The following NEDD4 variants were observed in gnomAD, a reference collection of about 807,000 sequenced individuals.
The protein encoded by NEDD4 is NEDD4 E3 ubiquitin protein ligase, also known as E3 ubiquitin-protein ligase NEDD4.
A neutral mutation model predicts 144.9 loss-of-function variants in NEDD4; 99 were observed. The ratio of observed to expected loss-of-function variants is 0.68; its 90% CI spans 0.58 to 0.81. The LOEUF (loss-of-function observed/expected upper bound fraction) is 0.81. NEDD4 is among the 30% of genes least tolerant of loss of function. NEDD4 has a pLI of 0.00. For synonymous variants in NEDD4, 318 were observed against 350.6 expected (o/e 0.91, Z 1.04); for missense variants, 985 against 1,065.9 (o/e 0.92, Z 1.06).
At chr15:55,851,562 C>T (rs1304290089) in intron 13 of NEDD4, among the ~76,000 whole-genome samples, 9 of 151,828 alleles carry the variant, frequency 5.9e-5, no homozygotes, top group South Asian at 2.1e-4. Flanking sequence ...CCGCAACCTC[C>T]GCCTCCCAGG....
At chr15:55,894,276 A>T (rs901741412) in intron 5 of NEDD4, among the ~76,000 whole-genome samples, 14 of 152,236 alleles carry the variant, frequency 9.2e-5, no homozygotes, top group African/African-American at 3.4e-4. Flanking sequence ...AAATTAAAAA[A>T]CAATGCAGCA....
Position 55,916,055 on chromosome 15 carries a change from T to C in NEDD4, c.291+8591A>G, listed in dbSNP as rs2036432007. On this transcript the variant is annotated intron_variant, in intron 5 of 28. Coordinates refer to ENST00000435532, the MANE Select transcript of NEDD4 (RefSeq NM_006154.4). ...TGACTAAGGAGGAGTAACGTTTTAG[T>C]GGAATTTTTGTGTTCCTGCTCACTG... 2.5e-6 allele frequency: 4 copies of C among 1,613,982 alleles called. No homozygotes were observed. The South Asian group carries it at 3.3e-5, about 13-fold the overall frequency.
intron 4 of NEDD4, among the ~76,000 whole-genome samples, chr15:55,938,452 A>C (rs2036934128): frequency 6.6e-6 from 1 of 152,186 alleles, no homozygotes; most frequent in Non-Finnish European, 1.5e-5. Flanking sequence ...ACAAACACAA[A>C]AATAAACTCA....
At position 55,870,877 on chromosome 15, in the gene NEDD4, A is replaced by T. The variant is rs115206816; in HGVS notation, c.405-1196T>A. On this transcript the variant is annotated intron_variant, in intron 7 of 28. Transcript: ENST00000435532. ...TCCTCATCAATTCTAGTATCCTATG[A>T]TTTACTTAAGAAATCCTTACTTGTC... 2.4e-3 allele frequency among the ~76,000 whole-genome samples: 369 copies of T among 152,154 alleles called. 2 individuals are homozygous for T. The highest frequency in any genetic ancestry group is 8.4e-3 in the African/African-American group (348 of 41,516).
intron 5 of NEDD4, chr15:55,915,547 C>T (rs1304640947): frequency 1.4e-5 from 22 of 1,613,946 alleles, no homozygotes; most frequent in Non-Finnish European, 1.9e-5. Context: ...TGACAATCTA[C>T]ATTTTGGGAG....
At chr15:55,912,804 C>A (rs1176711945) in intron 5 of NEDD4, among the ~76,000 whole-genome samples, 1 of 151,958 alleles carries the variant, frequency 6.6e-6, no homozygotes, top group Non-Finnish European at 1.5e-5. Flanking sequence ...CATTATATAG[C>A]CTTTACAAAA....
intron 1 of NEDD4, among the ~76,000 whole-genome samples, chr15:55,993,100 G>C (rs529362332): frequency 1.3e-5 from 2 of 152,376 alleles, no homozygotes; most frequent in Admixed American, 6.5e-5. Context: ...GCCTCCGCCA[G>C]AGCAAGCAAA....
intron 23 of NEDD4, 81 bp from the exon 24 acceptor site, chr15:55,837,930 T>A: frequency 1.6e-6 from 2 of 1,215,666 alleles, no homozygotes; most frequent in Non-Finnish European, 1.2e-6. Flanking sequence ...AAACAAAAAC[T>A]AAAGGCTAGC....
rs78248035 is a variant in NEDD4 at position 55,950,988 on chromosome 15, G to A, written c.237+388C>T. Among the ~76,000 whole-genome samples the A allele has an allele frequency of 9.1e-3, 1,384 of 152,268 alleles. 10 individuals are homozygous for A. The highest frequency in any genetic ancestry group is 0.029 in the African/African-American group (1,216 of 41,540). ...TATGGTAAATGAGGCAGATGGGGTG[G>A]AAAGGCAGCAATGTCAATGACGTGT... On this transcript the variant is annotated intron_variant, in intron 4 of 28. Coordinates refer to ENST00000435532, the MANE Select transcript of NEDD4 (RefSeq NM_006154.4).
rs576016225 is a variant in NEDD4 at position 55,981,782 on chromosome 15, CTG to C, written c.45+11727_45+11728del. ...ACTGAATCACACACTGTGGGGTAGT[CTG>C]TATTTTAACAACTCTTCAGATGATT... On this transcript the variant is annotated intron_variant, in intron 1 of 28. Coordinates refer to ENST00000435532, the MANE Select transcript of NEDD4 (RefSeq NM_006154.4). Among the ~76,000 whole-genome samples, 598 of 152,266 alleles carry C rather than the reference CTG, an allele frequency of 3.9e-3. 4 individuals carry two copies. Among genetic ancestry groups the C allele is most frequent in the African/African-American group, 0.014 (575 of 41,546 alleles).
chr15:55,915,943 G>A (rs2036426597), intron 5 of NEDD4: 5 of 1,613,936 alleles, frequency 3.1e-6, no homozygotes, highest in Non-Finnish European at 4.2e-6. Flanking sequence ...ATAAACTGGT[G>A]TGAAGTTTGA....
At chr15:55,988,585 G>T (rs1828014252) in intron 1 of NEDD4, among the ~76,000 whole-genome samples, 2 of 151,708 alleles carry the variant, frequency 1.3e-5, no homozygotes, top group African/African-American at 4.8e-5. Flanking sequence ...TCCCAGATAG[G>T]TTCTTAGACC....
At chr15:55,841,712 C>G (rs1018338962) in intron 19 of NEDD4, among the ~76,000 whole-genome samples, 1 of 152,076 alleles carries the variant, frequency 6.6e-6, no homozygotes, top group Non-Finnish European at 1.5e-5. Context: ...GCTGGGACTA[C>G]AGGCGCCCGC....
At chr15:55,975,011 G>A (rs1448627099) in intron 1 of NEDD4, among the ~76,000 whole-genome samples, 1 of 147,964 alleles carries the variant, frequency 6.8e-6, no homozygotes, top group East Asian at 2.0e-4. Flanking sequence ...TCCTGCCTCA[G>A]CCTCCCGACT....
At chr15:55,880,862 C>T (rs1480222822) in intron 5 of NEDD4, among the ~76,000 whole-genome samples, 2 of 152,152 alleles carry the variant, frequency 1.3e-5, no homozygotes, top group African/African-American at 4.8e-5. Context: ...GCATAATACC[C>T]AGCACACAGT....
intron 8 of NEDD4, among the ~76,000 whole-genome samples, chr15:55,869,133 T>G (rs1277146805): frequency 6.6e-6 from 1 of 152,176 alleles, no homozygotes; most frequent in African/African-American, 2.4e-5. Flanking sequence ...AGGCTCTTTA[T>G]TAGATCACTT....
intron 21 of NEDD4, among the ~76,000 whole-genome samples, chr15:55,840,213 A>C (rs1284034211): frequency 6.6e-6 from 1 of 151,348 alleles, no homozygotes; most frequent in Non-Finnish European, 1.5e-5. Flanking sequence ...TGATAAAGTA[A>C]ATCTAGAAAA....
chr15:55,929,401 T>C (rs763622501), intron 4 of NEDD4, among the ~76,000 whole-genome samples: 13 of 152,116 alleles, frequency 8.5e-5, no homozygotes, highest in Non-Finnish European at 1.2e-4. Context: ...AACTGTGTGG[T>C]ATGGGTTTTT....
At chr15:55,979,346 T>C (rs1306915499) in intron 1 of NEDD4, among the ~76,000 whole-genome samples, 1 of 121,234 alleles carries the variant, frequency 8.2e-6, no homozygotes, top group Non-Finnish European at 1.7e-5. Flanking sequence ...CCTCTTTTTT[T>C]TTTTTTTTTT....
Sources: allele counts gnomAD v4.1 joint callset (sites outside exome capture counted in the v4.1 genomes callset), GRCh38; gene constraint gnomAD v4.1.1; transcripts MANE v1.5; gene names NCBI Gene and HGNC (gene_info 2026-07-23, HGNC 2026-07-21).